The following TENM3 variants were observed in gnomAD, a reference collection of about 807,000 sequenced individuals.
The protein encoded by TENM3 is teneurin transmembrane protein 3.
Under a neutral mutation model 255.1 loss-of-function variants are expected in TENM3, and 63 were observed. The observed-to-expected ratio is 0.25, with a 90% CI of 0.20 to 0.30. The LOEUF (loss-of-function observed/expected upper bound fraction) is 0.30, where lower values mean the gene tolerates loss of function less well. Among genes scored for constraint, TENM3 ranks in the 10% least tolerant of loss-of-function variants. TENM3 has a pLI of 1.00. For synonymous variants in TENM3, 1,306 were observed against 1,322.3 expected (o/e 0.99, Z 0.27); for missense variants, 2,929 against 3,461.1 (o/e 0.85, Z 3.86).
In TENM3 at chr4:182,614,478, C is replaced by A. The variant is rs780470452; in HGVS notation, c.749+13317C>A. Among the ~76,000 whole-genome samples the A allele has an allele frequency of 2.6e-5, 4 of 152,264 alleles. No individual in the cohort carries two copies. In the East Asian group the frequency reaches 7.7e-4, roughly 29 times the overall value. On this transcript the variant is annotated intron_variant, in intron 4 of 27. Transcript: ENST00000511685. ...AAAAATAATGAATTTTAGTTTATTA[C>A]TGACTTACTATGAGTATGTTTTATT... is the stretch of plus-strand genomic sequence containing the variant.
chr4:182,193,456 C>G (rs771805271), intron 1 of TENM3, among the ~76,000 whole-genome samples: 2 of 152,106 alleles, frequency 1.3e-5, no homozygotes, highest in Non-Finnish European at 2.9e-5. Context: ...TTTATTGGTT[C>G]TTTTGTAGAC....
chr4:182,734,508 G>GTGTA (rs963132250), intron 16 of TENM3, among the ~76,000 whole-genome samples: 1 of 152,206 alleles, frequency 6.6e-6, no homozygotes, highest in African/African-American at 2.4e-5. Context: ...TTCTTGTGAA[G>GTGTA]TGTATATCCA....
chr4:182,508,637 G>T (rs1456841628), intron 3 of TENM3, among the ~76,000 whole-genome samples: 1 of 152,138 alleles, frequency 6.6e-6, no homozygotes, highest in African/African-American at 2.4e-5. Flanking sequence ...CTGATATAAT[G>T]ATATGCAGGG....
At chr4:181,791,206 C>T in the TENM3 span, among the ~76,000 whole-genome samples, 1 of 152,160 alleles carries the variant, frequency 6.6e-6, no homozygotes, top group Admixed American at 6.5e-5. Flanking sequence ...GAAACACGGG[C>T]CGTGCAGCTA....
intron 3 of TENM3, among the ~76,000 whole-genome samples, chr4:182,410,256 A>G (rs1769892469): frequency 6.6e-6 from 1 of 152,270 alleles, no homozygotes. Context: ...CAATAGTGGT[A>G]ATGTGGTTAA....
At chr4:181,892,909 G>C in the TENM3 span, among the ~76,000 whole-genome samples, 1 of 152,178 alleles carries the variant, frequency 6.6e-6, no homozygotes, top group Admixed American at 6.5e-5. Context: ...TTCCAGAAGA[G>C]GAAGAACTGT....
chr4:182,291,542 T>C (rs979858419), intron 1 of TENM3, among the ~76,000 whole-genome samples: 5 of 152,116 alleles, frequency 3.3e-5, no homozygotes, highest in African/African-American at 1.2e-4. Context: ...GTCACATCAG[T>C]GAATCCTCAC....
chr4:181,615,545 G>T, the TENM3 span, among the ~76,000 whole-genome samples: 1 of 152,038 alleles, frequency 6.6e-6, no homozygotes, highest in Non-Finnish European at 1.5e-5. Flanking sequence ...GAAGGCAAAT[G>T]AATTATTTCA....
At chr4:181,623,078 A>G in the TENM3 span, among the ~76,000 whole-genome samples, 1 of 152,156 alleles carries the variant, frequency 6.6e-6, no homozygotes, top group Admixed American at 6.5e-5. Flanking sequence ...ATTGCTGTGG[A>G]AATAAGTTCG....
At chr4:182,344,949 A>G (rs1764708519) in intron 2 of TENM3, among the ~76,000 whole-genome samples, 1 of 152,226 alleles carries the variant, frequency 6.6e-6, no homozygotes, top group Admixed American at 6.5e-5. Context: ...ACTGAGTCTC[A>G]TCTCAGTGAG....
intron 1 of TENM3, among the ~76,000 whole-genome samples, chr4:182,180,256 T>A (rs1479014074): frequency 6.6e-6 from 1 of 152,230 alleles, no homozygotes; most frequent in Non-Finnish European, 1.5e-5. Flanking sequence ...TTTCACCAAA[T>A]GACTTGAACT....
the TENM3 span, among the ~76,000 whole-genome samples, chr4:181,632,136 C>T: frequency 6.6e-6 from 1 of 152,242 alleles, no homozygotes; most frequent in East Asian, 1.9e-4. Flanking sequence ...AATTGACTCA[C>T]AGTTCTACAT....
At chr4:182,033,244 C>G in the TENM3 span, among the ~76,000 whole-genome samples, 1 of 151,050 alleles carries the variant, frequency 6.6e-6, no homozygotes, top group Admixed American at 6.6e-5. Context: ...TATGTTGTCT[C>G]TTTGTTTTCA....
the TENM3 span, among the ~76,000 whole-genome samples, chr4:181,772,129 C>T: frequency 6.6e-6 from 1 of 152,208 alleles, no homozygotes; most frequent in Non-Finnish European, 1.5e-5. Context: ...CCTGTAATCC[C>T]AGCAGTTTGG....
the TENM3 span, among the ~76,000 whole-genome samples, chr4:182,092,616 C>T: frequency 6.6e-6 from 1 of 152,150 alleles, no homozygotes; most frequent in Non-Finnish European, 1.5e-5. Flanking sequence ...CTCTGCACTC[C>T]AGCCTGGGCA....
chr4:182,093,971 T>G, the TENM3 span, among the ~76,000 whole-genome samples: 2 of 152,142 alleles, frequency 1.3e-5, no homozygotes, highest in African/African-American at 2.4e-5. Context: ...AAATATAATT[T>G]TTAACATTTT....
At chr4:181,538,201 A>G in the TENM3 span, among the ~76,000 whole-genome samples, 1 of 152,174 alleles carries the variant, frequency 6.6e-6, no homozygotes, top group Admixed American at 6.5e-5. Context: ...CGGTTTTCTA[A>G]CCATGTTTAT....
chr4:181,756,524 A>G, the TENM3 span, among the ~76,000 whole-genome samples: 1 of 152,220 alleles, frequency 6.6e-6, no homozygotes, highest in Non-Finnish European at 1.5e-5. Flanking sequence ...CTGTGCAGGC[A>G]ACAGGAGTAA....
intron 24 of TENM3, among the ~76,000 whole-genome samples, chr4:182,785,927 A>G (rs1323462317): frequency 6.6e-6 from 1 of 152,178 alleles, no homozygotes; most frequent in African/African-American, 2.4e-5. Context: ...GGTGAAAAAC[A>G]TGAGAGCTCT....
Sources: gnomAD v4.1 joint callset for allele counts (sites outside exome capture counted in the v4.1 genomes callset) on GRCh38, gnomAD v4.1.1 for gene constraint, MANE v1.5 for transcripts, NCBI Gene and HGNC (gene_info 2026-07-23, HGNC 2026-07-21) for gene names.